Variants in CSMD3 observed in about 807,000 individuals in gnomAD.
CSMD3 encodes the protein CUB and Sushi multiple domains 3.
A neutral mutation model predicts 435.2 loss-of-function variants in CSMD3; 177 were observed. The observed-to-expected ratio is 0.41, with a 90% confidence interval of 0.36 to 0.46. The LOEUF is 0.46. CSMD3 is among the 20% of genes least tolerant of loss of function. The pLI, the probability that CSMD3 is intolerant of heterozygous loss-of-function variation, is 0.34. For synonymous variants in CSMD3, 1,656 were observed against 1,520.5 expected (o/e 1.09, Z -2.07); for missense variants, 4,265 against 4,504.6 (o/e 0.95, Z 1.52).
At chr8:113,055,238 C>T (rs184020521) in intron 5 of CSMD3, among the ~76,000 whole-genome samples, 1 of 152,286 alleles carries the variant, frequency 6.6e-6, no homozygotes. Context: ...GCAACCTCCA[C>T]CTCCTGCGTT....
chr8:112,886,059 G>A (rs1021283484), intron 10 of CSMD3, among the ~76,000 whole-genome samples: 5 of 151,534 alleles, frequency 3.3e-5, no homozygotes, highest in African/African-American at 7.3e-5. Flanking sequence ...TACCCAATCC[G>A]AAAGATGTGA....
intron 1 of CSMD3, among the ~76,000 whole-genome samples, chr8:113,381,249 G>A (rs781689788): frequency 6.6e-6 from 1 of 152,072 alleles, no homozygotes; most frequent in Non-Finnish European, 1.5e-5. Flanking sequence ...TAAAGTGTGA[G>A]GGAAATAATT....
intron 3 of CSMD3, among the ~76,000 whole-genome samples, chr8:113,268,145 C>T (rs2093487662): frequency 6.6e-6 from 1 of 151,784 alleles, no homozygotes; most frequent in Admixed American, 6.6e-5. Flanking sequence ...TAAAAGGATT[C>T]TATATTACAA....
At chr8:112,275,134 A>G (rs1160430127) in intron 59 of CSMD3, among the ~76,000 whole-genome samples, 7 of 151,898 alleles carry the variant, frequency 4.6e-5, no homozygotes, top group Admixed American at 3.3e-4. Context: ...CACACTCACT[A>G]GAACTTTTCC....
intron 14 of CSMD3, 53 bp from the exon 15 acceptor site, chr8:112,685,785 C>A (rs2131806889): frequency 4.5e-6 from 5 of 1,114,130 alleles, no homozygotes; most frequent in Non-Finnish European, 5.4e-6. Flanking sequence ...AATAATATTT[C>A]ATCTTATTTT....
Position 112,281,380 on chromosome 8 carries a change from TA to T in CSMD3, c.9332-31del, listed in dbSNP as rs1334963931. 5 of 1,578,684 alleles carry T rather than the reference TA, an allele frequency of 3.2e-6. No individual in the cohort carries two copies. In the African/African-American group the frequency reaches 5.4e-5, roughly 17 times the overall value. ...AAAACAAAGTGTTTAAGAGTATATA[TA>T]AAAAATGCAATCAGAAATTCTTCCC... On this transcript the variant is annotated intron_variant, in intron 58 of 70. Coordinates refer to ENST00000297405, the MANE Select transcript of CSMD3 (RefSeq NM_198123.2).
chr8:113,091,702 C>T (rs2090008240), intron 5 of CSMD3, among the ~76,000 whole-genome samples: 1 of 130,208 alleles, frequency 7.7e-6, no homozygotes, highest in South Asian at 2.6e-4. Context: ...TAAAACTTTG[C>T]CAATTTTGTT....
chr8:112,881,415 T>C (rs1269235931), intron 10 of CSMD3, among the ~76,000 whole-genome samples: 1 of 152,102 alleles, frequency 6.6e-6, no homozygotes, highest in African/African-American at 2.4e-5. Flanking sequence ...AGACATTAAA[T>C]TGCATTTCTT....
intron 8 of CSMD3, among the ~76,000 whole-genome samples, chr8:112,952,074 GT>G (rs2083836219): frequency 6.7e-6 from 1 of 150,288 alleles, no homozygotes; most frequent in Non-Finnish European, 1.5e-5. Context: ...TAAATCTATA[GT>G]TTCTTTTCTT....
At chr8:112,751,429 A>C (rs1003091068) in intron 13 of CSMD3, among the ~76,000 whole-genome samples, 1 of 152,174 alleles carries the variant, frequency 6.6e-6, no homozygotes, top group African/African-American at 2.4e-5. Context: ...GCAAGGAAGA[A>C]AATACTTATA....
chr8:112,964,690 A>T (rs1001191218), intron 7 of CSMD3, among the ~76,000 whole-genome samples: 1 of 151,986 alleles, frequency 6.6e-6, no homozygotes. Context: ...TCAATGAAAA[A>T]TTTCTAACAT....
chr8:112,537,598 A>G (rs1169676284), intron 27 of CSMD3, among the ~76,000 whole-genome samples: 1 of 151,982 alleles, frequency 6.6e-6, no homozygotes, highest in Non-Finnish European at 1.5e-5. Flanking sequence ...ACTATTATGA[A>G]GAAGAATATA....
At chr8:113,010,207 A>C (rs753793718) in intron 6 of CSMD3, among the ~76,000 whole-genome samples, 5 of 151,690 alleles carry the variant, frequency 3.3e-5, no homozygotes, top group Non-Finnish European at 7.4e-5. Flanking sequence ...AAGGAAGTGA[A>C]GCCTCTAGTG....
intron 31 of CSMD3, among the ~76,000 whole-genome samples, chr8:112,492,014 A>T (rs1168709273): frequency 4.6e-5 from 7 of 152,224 alleles, no homozygotes; most frequent in African/African-American, 1.4e-4. Context: ...CTCCTTCTAG[A>T]CAACCTAATT....
intron 4 of CSMD3, among the ~76,000 whole-genome samples, chr8:113,156,770 A>G (rs1015271012): frequency 6.7e-6 from 1 of 149,320 alleles, no homozygotes; most frequent in African/African-American, 2.5e-5. Flanking sequence ...ATAAATAAAT[A>G]AATAAATAAA....
chr8:112,872,450 A>G (rs2081162642), intron 10 of CSMD3, among the ~76,000 whole-genome samples: 1 of 152,072 alleles, frequency 6.6e-6, no homozygotes, highest in East Asian at 1.9e-4. Flanking sequence ...AATCAGCAAG[A>G]AGCAGACTGC....
At chr8:113,349,246 A>G (rs2094173526) in intron 1 of CSMD3, among the ~76,000 whole-genome samples, 1 of 152,088 alleles carries the variant, frequency 6.6e-6, no homozygotes, top group Non-Finnish European at 1.5e-5. Flanking sequence ...CCAAAGGGAC[A>G]TATAAACCAC....
chr8:113,082,281 G>A lies in CSMD3; in HGVS notation c.917+16475C>T, dbSNP rs73335935. On this transcript the variant is annotated intron_variant, in intron 5 of 70. Coordinates refer to ENST00000297405, the MANE Select transcript of CSMD3 (RefSeq NM_198123.2). ...CACTGCTGGTCCTGTGCATACCCCC[G>A]ATCAGCTTGTCCACTGTCCCTGTTC... Among the ~76,000 whole-genome samples, 1,257 of 152,194 alleles carry A rather than the reference G, an allele frequency of 8.3e-3. 30 individuals are homozygous for A. The highest frequency in any genetic ancestry group is 0.029 in the African/African-American group (1,188 of 41,522).
At chr8:112,227,954 G>A (rs1250017892) in intron 70 of CSMD3, among the ~76,000 whole-genome samples, 4 of 151,998 alleles carry the variant, frequency 2.6e-5, no homozygotes, top group African/African-American at 4.8e-5. Flanking sequence ...AAGCAGGAGA[G>A]TGGCGTGAAC....
Sources: gnomAD v4.1 joint callset for allele counts (sites outside exome capture counted in the v4.1 genomes callset) on GRCh38, gnomAD v4.1.1 for gene constraint, MANE v1.5 for transcripts, NCBI Gene and HGNC (gene_info 2026-07-23, HGNC 2026-07-21) for gene names.